Variants in ZNF678 observed in about 807,000 individuals in gnomAD.
ZNF678 encodes the protein zinc finger protein 678.
ZNF678 carries 5 observed loss-of-function variants against 3.0 expected under a neutral mutation model. The ratio of observed to expected loss-of-function variants is 1.69; its 90% CI spans 0.88 to 3.56. The LOEUF (loss-of-function observed/expected upper bound fraction) is 3.56. ZNF678 is among the 30% of genes most tolerant of loss of function. The pLI is 0.00. For synonymous variants in ZNF678, 218 were observed against 199.6 expected (o/e 1.09, Z -0.78); for missense variants, 593 against 605.0 (o/e 0.98, Z 0.21).
chr1:227,641,373 G>T (rs754417461), intron 1 of ZNF678, among the ~76,000 whole-genome samples: 21 of 152,176 alleles, frequency 1.4e-4, no homozygotes, highest in Non-Finnish European at 2.8e-4. Context: ...TTTTTAAAAA[G>T]ATTCTGTCTT....
At chr1:227,629,704 T>A (rs984666246) in intron 1 of ZNF678, among the ~76,000 whole-genome samples, 6 of 152,228 alleles carry the variant, frequency 3.9e-5, no homozygotes, top group African/African-American at 1.4e-4. Flanking sequence ...GATCATCTGG[T>A]TAGTGGCTTC....
chr1:227,584,211 G>A lies in ZNF678; in HGVS notation c.-164+20487G>A, dbSNP rs182791139. Among the ~76,000 whole-genome samples, 7 of 152,236 alleles carry A rather than the reference G, an allele frequency of 4.6e-5. 2 individuals carry two copies. Among genetic ancestry groups the A allele is most frequent in the African/African-American group, 1.7e-4 (7 of 41,540 alleles). On this transcript the variant is annotated intron_variant, in intron 1 of 3. Coordinates refer to ENST00000343776, the MANE Select transcript of ZNF678 (RefSeq NM_001367909.1). The stretch of plus-strand genomic sequence containing the variant: ...GAATTATTTGTTCATTTGTCACAAG[G>A]CCTAAAGCAGTCAACAGCTCACTGT...
intron 1 of ZNF678, among the ~76,000 whole-genome samples, chr1:227,569,051 G>C (rs1196097953): frequency 6.6e-6 from 1 of 152,214 alleles, no homozygotes; most frequent in Non-Finnish European, 1.5e-5. Flanking sequence ...TGTTGCTGGA[G>C]TGCAATCATA....
chr1:227,668,085 G>A (rs947844046), intron 5 of ZNF678, among the ~76,000 whole-genome samples: 1 of 152,168 alleles, frequency 6.6e-6, no homozygotes, highest in African/African-American at 2.4e-5. Flanking sequence ...AACCTCAGGA[G>A]ATTCAGAACA....
intron 1 of ZNF678, among the ~76,000 whole-genome samples, chr1:227,583,530 C>T (rs569998233): frequency 6.6e-6 from 1 of 151,638 alleles, no homozygotes; most frequent in Non-Finnish European, 1.5e-5. Context: ...GTCAGGAGTT[C>T]CTTGACCACT....
chr1:227,678,285 G>A (rs1435127370), downstream of ZNF678, among the ~76,000 whole-genome samples: 1 of 152,130 alleles, frequency 6.6e-6, no homozygotes, highest in Admixed American at 6.5e-5. Flanking sequence ...CCCCTAGGAT[G>A]GAATACCCCT....
intron 1 of ZNF678, among the ~76,000 whole-genome samples, chr1:227,624,078 T>A (rs909601455): frequency 6.6e-6 from 1 of 152,226 alleles, no homozygotes; most frequent in African/African-American, 2.4e-5. Context: ...AGAGATCACA[T>A]GTATAGATAC....
intron 1 of ZNF678, among the ~76,000 whole-genome samples, chr1:227,581,615 A>G (rs909261404): frequency 1.3e-5 from 2 of 152,174 alleles, no homozygotes; most frequent in Admixed American, 6.5e-5. Context: ...TAATCTATCT[A>G]TACTTATTGC....
At chr1:227,571,945 G>A (rs1656855015) in intron 1 of ZNF678, among the ~76,000 whole-genome samples, 1 of 152,216 alleles carries the variant, frequency 6.6e-6, no homozygotes. Context: ...AGGAGGCTGA[G>A]GCAGGAGAAT....
At chr1:227,665,965 A>G (rs545347504), downstream of ZNF678, among the ~76,000 whole-genome samples, 18 of 151,938 alleles carry the variant, frequency 1.2e-4, no homozygotes, top group Non-Finnish European at 2.6e-4. Flanking sequence ...TCTACATTTC[A>G]TGTTTTAATG....
chr1:227,640,884 G>C (rs1393614021), intron 1 of ZNF678, among the ~76,000 whole-genome samples: 4 of 152,176 alleles, frequency 2.6e-5, no homozygotes, highest in African/African-American at 7.2e-5. Context: ...TAAAAGGAGC[G>C]ATCATCACTG....
At chr1:227,648,000 C>T (rs914702014) in intron 2 of ZNF678, among the ~76,000 whole-genome samples, 1 of 152,118 alleles carries the variant, frequency 6.6e-6, no homozygotes, top group Non-Finnish European at 1.5e-5. Context: ...TGTGATTTTA[C>T]AGAAGCTCAT....
intron 1 of ZNF678, among the ~76,000 whole-genome samples, chr1:227,585,683 G>C (rs897372666): frequency 2.0e-5 from 3 of 152,158 alleles, no homozygotes; most frequent in East Asian, 1.9e-4. Flanking sequence ...TGAGGCAAGA[G>C]AATCGCTTGA....
At chr1:227,575,441 T>G (rs1656962950) in intron 1 of ZNF678, among the ~76,000 whole-genome samples, 1 of 152,216 alleles carries the variant, frequency 6.6e-6, no homozygotes, top group Non-Finnish European at 1.5e-5. Context: ...ATAGTTCTCC[T>G]TGTAGAGATC....
downstream of ZNF678, among the ~76,000 whole-genome samples, chr1:227,665,889 C>T (rs565335314): frequency 6.6e-6 from 1 of 152,284 alleles, no homozygotes; most frequent in East Asian, 1.9e-4. Flanking sequence ...AGGTTTGCCT[C>T]ACCTTTTGTA....
chr1:227,629,918 C>T (rs1016069591), intron 1 of ZNF678, among the ~76,000 whole-genome samples: 2 of 152,016 alleles, frequency 1.3e-5, no homozygotes, highest in African/African-American at 4.8e-5. Flanking sequence ...GTCCACTTGC[C>T]TGAGGGCCAT....
In ZNF678 at chr1:227,656,570, G is replaced by A. The variant is rs1659255560; in HGVS notation, c.*742G>A. On this transcript the variant is annotated 3_prime_UTR_variant, in exon 4 of 4. Transcript: ENST00000343776. ...TATATTAGATGACCATCATTTATAT[G>A]CTTTTTCATGAATGATTAAGGGCAC... 1 of 151,752 alleles carries A rather than the reference G, an allele frequency of 6.6e-6. No individual in the cohort carries two copies. The highest frequency in any genetic ancestry group is 1.5e-5 in the Non-Finnish European group (1 of 67,824). 9.4% of individuals were successfully genotyped at this position (151,752 alleles called of 1,614,324 possible).
intron 1 of ZNF678, among the ~76,000 whole-genome samples, chr1:227,578,900 G>A (rs1009506137): frequency 6.6e-6 from 1 of 152,226 alleles, no homozygotes; most frequent in South Asian, 2.1e-4. Flanking sequence ...GAGGTAGCTG[G>A]CCTTTGGATG....
intron 1 of ZNF678, among the ~76,000 whole-genome samples, chr1:227,564,739 G>T (rs1344247067): frequency 1.3e-5 from 2 of 152,056 alleles, no homozygotes; most frequent in Non-Finnish European, 2.9e-5. Context: ...GTTTGTTTTT[G>T]TTTTTTCTTT....
Sources: gnomAD v4.1 joint callset for allele counts (sites outside exome capture counted in the v4.1 genomes callset) on GRCh38, gnomAD v4.1.1 for gene constraint, MANE v1.5 for transcripts, NCBI Gene and HGNC (gene_info 2026-07-23, HGNC 2026-07-21) for gene names.